The following CDH18 variants were observed in gnomAD, a reference collection of about 807,000 sequenced individuals.
The protein encoded by CDH18 is cadherin-18.
Under a neutral mutation model 67.9 loss-of-function variants are expected in CDH18, and 31 were observed. That is an observed-to-expected ratio of 0.46 (90% CI 0.34 to 0.62). CDH18 has a LOEUF of 0.62. Ranked by LOEUF, CDH18 falls within the 20% of genes least tolerant of loss-of-function variation. The pLI is 0.01. For synonymous variants in CDH18, 362 were observed against 347.2 expected (o/e 1.04, Z -0.48); for missense variants, 890 against 975.5 (o/e 0.91, Z 1.17).
chr5:20,522,138 A>C (rs1755780649), intron 1 of CDH18, among the ~76,000 whole-genome samples: 1 of 152,224 alleles, frequency 6.6e-6, no homozygotes, highest in South Asian at 2.1e-4. Flanking sequence ...ATGGAAGATC[A>C]TGTGAGTCCA....
intron 2 of CDH18, among the ~76,000 whole-genome samples, chr5:19,883,723 T>A (rs1787907608): frequency 6.6e-6 from 1 of 152,104 alleles, no homozygotes; most frequent in South Asian, 2.1e-4. Flanking sequence ...TGACGTTCTG[T>A]TTTTAAGGCA....
chr5:19,591,436 C>T (rs1267639361), intron 6 of CDH18, among the ~76,000 whole-genome samples, 192 bp from the exon 7 acceptor site: 8 of 151,812 alleles, frequency 5.3e-5, no homozygotes, highest in African/African-American at 7.3e-5. Flanking sequence ...TTAAAAGGTA[C>T]GTAAAATACT....
At chr5:20,251,021 AT>A (rs1358369739) in intron 2 of CDH18, among the ~76,000 whole-genome samples, 1 of 152,194 alleles carries the variant, frequency 6.6e-6, no homozygotes, top group African/African-American at 2.4e-5. Flanking sequence ...TTGAACTAAC[AT>A]AAAAACTGAG....
intron 1 of CDH18, among the ~76,000 whole-genome samples, chr5:20,358,505 A>G (rs557382814): frequency 6.6e-6 from 1 of 152,334 alleles, no homozygotes; most frequent in Non-Finnish European, 1.5e-5. Flanking sequence ...CATTATTCAT[A>G]TGAGGTTTTA....
At position 19,543,981 on chromosome 5, in the gene CDH18, T is replaced by C; in HGVS notation, c.1278A>G (p.Glu426=). ...CATCAATGTTGAAAAATCTGTCGTC[T>C]TCAACATTGTAGTTGATGAAGTATC... ...LVRYFINYNV[E]DDRFFNIDAN... The change falls in exon 9 of 13, where the codon GAA becomes GAG. Residue 426 remains glutamate, a synonymous_variant. Coordinates refer to ENST00000382275, the MANE Select transcript of CDH18 (RefSeq NM_004934.5). The C allele has an allele frequency of 1.3e-6, 2 of 1,584,338 alleles. No homozygotes were observed. The highest frequency in any genetic ancestry group is 1.7e-6 in the Non-Finnish European group (2 of 1,159,554).
chr5:19,789,931 T>C (rs1395654793), intron 3 of CDH18, among the ~76,000 whole-genome samples: 1 of 151,980 alleles, frequency 6.6e-6, no homozygotes, highest in African/African-American at 2.4e-5. Context: ...AATGTGTATG[T>C]AAATAATATA....
chr5:20,093,909 A>G (rs998979434), intron 2 of CDH18, among the ~76,000 whole-genome samples: 2 of 152,184 alleles, frequency 1.3e-5, no homozygotes, highest in African/African-American at 4.8e-5. Context: ...AATTAAAGAG[A>G]CCAATGTTTT....
intron 5 of CDH18, among the ~76,000 whole-genome samples, chr5:19,644,198 T>C (rs1329679899): frequency 2.0e-5 from 3 of 152,090 alleles, no homozygotes; most frequent in Non-Finnish European, 4.4e-5. Flanking sequence ...GAGAAAAATC[T>C]ACTCAGCATT....
chr5:20,026,184 T>C (rs567915107), intron 2 of CDH18, among the ~76,000 whole-genome samples: 3 of 152,270 alleles, frequency 2.0e-5, no homozygotes, highest in African/African-American at 7.2e-5. Context: ...TGCCTTTCTG[T>C]TACAGGAGAA....
chr5:19,966,044 G>A (rs555779094), intron 2 of CDH18, among the ~76,000 whole-genome samples: 1 of 152,200 alleles, frequency 6.6e-6, no homozygotes, highest in East Asian at 1.9e-4. Flanking sequence ...GAGAGAAAAC[G>A]AATAAATTTT....
intron 4 of CDH18, among the ~76,000 whole-genome samples, chr5:19,722,798 G>A (rs2387972): frequency 0.97 from 147,022 of 152,180 alleles, 71,213 homozygotes; most frequent in Middle Eastern, 1. Flanking sequence ...AAGTAAAAAT[G>A]TTTTTACAAT....
chr5:19,709,547 A>G (rs1039421887), intron 5 of CDH18, among the ~76,000 whole-genome samples: 1 of 152,028 alleles, frequency 6.6e-6, no homozygotes, highest in African/African-American at 2.4e-5. Flanking sequence ...AGCCTGGGCA[A>G]CAAGAGTGAA....
Position 19,571,936 on chromosome 5 carries a change from A to G in CDH18, c.1000-104T>C. ...TATTTTTTCCTTTTTAGAATAAAAT[A>G]ATTGAGAGAGAGATAAGTCATTCTA... On this transcript the variant is annotated intron_variant, in intron 7 of 12. Transcript: ENST00000382275. 2.3e-6 allele frequency: 2 copies of G among 869,378 alleles called. 1 individual carries two copies. Among genetic ancestry groups the G allele is most frequent in the South Asian group, 3.6e-5 (2 of 55,604 alleles). The allele number at this position is 869,378 out of a possible 1,614,324, so 53.9% of individuals were successfully genotyped here.
chr5:19,827,044 A>G (rs1780485804), intron 3 of CDH18, among the ~76,000 whole-genome samples: 1 of 152,178 alleles, frequency 6.6e-6, no homozygotes, highest in African/African-American at 2.4e-5. Context: ...AAAATCTACC[A>G]AGAAAATGGC....
intron 2 of CDH18, among the ~76,000 whole-genome samples, chr5:20,054,583 C>A (rs2150496404): frequency 6.6e-6 from 1 of 152,276 alleles, no homozygotes; most frequent in African/African-American, 2.4e-5. Context: ...TAGCTATCAT[C>A]TCCCTTATAG....
chr5:20,056,663 G>A (rs1481996848), intron 2 of CDH18, among the ~76,000 whole-genome samples: 2 of 136,120 alleles, frequency 1.5e-5, no homozygotes, highest in Non-Finnish European at 3.2e-5. Context: ...CTATAGAGCA[G>A]TTGAGTTCTA....
intron 5 of CDH18, among the ~76,000 whole-genome samples, chr5:19,659,803 C>A (rs773782873): frequency 1.3e-5 from 2 of 152,010 alleles, no homozygotes; most frequent in African/African-American, 2.4e-5. Flanking sequence ...CTGCTGCCAC[C>A]TTGATCTTGG....
chr5:20,317,330 G>A (rs1449897033), intron 1 of CDH18, among the ~76,000 whole-genome samples: 3 of 152,018 alleles, frequency 2.0e-5, no homozygotes, highest in Non-Finnish European at 4.4e-5. Flanking sequence ...GAAAAATTGA[G>A]TTCATGCCAA....
chr5:20,204,683 A>T (rs889558995), intron 2 of CDH18, among the ~76,000 whole-genome samples: 1 of 152,046 alleles, frequency 6.6e-6, no homozygotes, highest in African/African-American at 2.4e-5. Flanking sequence ...AAATAAGAGT[A>T]GCTACAGTAA....
Sources: gnomAD v4.1 joint callset for allele counts (sites outside exome capture counted in the v4.1 genomes callset) on GRCh38, gnomAD v4.1.1 for gene constraint, MANE v1.5 for transcripts, NCBI Gene and HGNC (gene_info 2026-07-23, HGNC 2026-07-21) for gene names.